GPATCH1: variants seen among roughly 807,000 people sequenced by gnomAD.
GPATCH1 encodes the protein G-patch domain containing 1, also known as G patch domain-containing protein 1.
In GPATCH1, 73 loss-of-function variants were observed where a neutral mutation model predicts 114.9. That is an observed-to-expected ratio of 0.64 (90% CI 0.53 to 0.77). The LOEUF (loss-of-function observed/expected upper bound fraction) is 0.77, where lower values mean the gene tolerates loss of function less well. GPATCH1 is among the 30% of genes least tolerant of loss of function. The pLI is 0.00. For missense variants in GPATCH1, 1,058 were observed against 1,144.3 expected (o/e 0.92, Z 1.09); for synonymous variants, 391 against 428.4 (o/e 0.91, Z 1.08).
intron 17 of GPATCH1, among the ~76,000 whole-genome samples, chr19:33,120,290 T>A (rs1181046593): frequency 9.8e-5 from 6 of 60,958 alleles, no homozygotes; most frequent in Admixed American, 1.4e-4. Flanking sequence ...ATAAAAATTA[T>A]ATATAAAATT....
At chr19:33,096,167 C>A (rs1245290421) in intron 6 of GPATCH1, 40 bp from the exon 7 acceptor site, 1 of 1,600,786 alleles carries the variant, frequency 6.2e-7, no homozygotes, top group South Asian at 1.1e-5. Flanking sequence ...ACTTTGCATC[C>A]TTCAGTGACT....
At chr19:33,102,859 G>A (rs1254003206) in intron 9 of GPATCH1, among the ~76,000 whole-genome samples, 1 of 152,208 alleles carries the variant, frequency 6.6e-6, no homozygotes, top group East Asian at 1.9e-4. Flanking sequence ...TCCTCCCCAT[G>A]CTCTGAAGCT....
intron 8 of GPATCH1, among the ~76,000 whole-genome samples, chr19:33,098,933 T>C (rs1353076081): frequency 6.6e-6 from 1 of 151,748 alleles, no homozygotes; most frequent in African/African-American, 2.4e-5. Flanking sequence ...TTTCTTTTTT[T>C]TTCCCCTGAG....
chr19:33,081,741 G>T (rs1170875634), intron 1 of GPATCH1, among the ~76,000 whole-genome samples: 1 of 152,162 alleles, frequency 6.6e-6, no homozygotes, highest in African/African-American at 2.4e-5. Flanking sequence ...GACAGCGGGG[G>T]AGACAGGTAG....
At position 33,114,380 on chromosome 19, in the gene GPATCH1, C is replaced by T; in HGVS notation, c.2157C>T (p.Asn719=). 6.2e-7 allele frequency: 1 copy of T among 1,607,998 alleles called. No homozygotes were observed. The highest frequency in any genetic ancestry group is 8.5e-7 in the Non-Finnish European group (1 of 1,178,442). Residue 719 remains asparagine, a synonymous_variant, in exon 15 of 20, where the codon AAC becomes AAT. Coordinates refer to ENST00000170564, the MANE Select transcript of GPATCH1 (RefSeq NM_018025.3). The stretch of plus-strand genomic sequence containing the variant: ...AACAACAGTCCAGCCCCTTAGTAAA[C>T]AAAGAGGAAGAGCATGCACCAGAAT... ...PPKQQSSPLV[N]KEEEHAPELS... is the part of the protein sequence containing the mutation.
chr19:33,117,936 G>A lies in GPATCH1; in HGVS notation c.2308G>A (p.Glu770Lys), dbSNP rs149928945. The A allele has an allele frequency of 2.3e-5, 37 of 1,613,732 alleles. No homozygotes were observed. The highest frequency in any genetic ancestry group is 5.3e-5 in the African/African-American group (4 of 74,818). The change falls in exon 16 of 20, where the codon GAG becomes AAG. Residue 770 changes from glutamate (E) to lysine (K), a missense_variant. Glu to Lys is a moderately conservative substitution (Grantham distance 56, BLOSUM62 1). Coordinates refer to ENST00000170564, the MANE Select transcript of GPATCH1 (RefSeq NM_018025.3). ...CTCAGATGAAAAGTCCTCATCCTCC[G>A]AGGATGAGCAAGGTGACAGTGAAGA... Reference protein sequence around the residue: ...SSSDEKSSSSEDEQGDSEDDQ... With the variant: ...SSSDEKSSSSKDEQGDSEDDQ...
chr19:33,101,585 CT>C lies in GPATCH1; in HGVS notation c.1080+18del, dbSNP rs755770967. ...TTATCTTCTAAGAAAGTAAGAAAAA[CT>C]TTTTTTCTTTCTTTTTTTACTGGTT... On this transcript the variant is annotated intron_variant, in intron 9 of 19. Transcript: ENST00000170564. 12 of 1,388,618 alleles carry C rather than the reference CT, an allele frequency of 8.6e-6. No individual in the cohort carries two copies. The highest frequency in any genetic ancestry group is 1.4e-5 in the African/African-American group (1 of 70,040). 86.0% of individuals were successfully genotyped at this position (1,388,618 alleles called of 1,614,324 possible). A position where few individuals can be genotyped will look rare whatever the true frequency, so the allele number is the denominator to read the frequency against.
chr19:33,109,758 A>G lies in GPATCH1; in HGVS notation c.1327A>G (p.Lys443Glu). 1 of 1,595,664 alleles carries G rather than the reference A, an allele frequency of 6.3e-7. No individual in the cohort carries two copies. The highest frequency in any genetic ancestry group is 8.5e-7 in the Non-Finnish European group (1 of 1,171,174). ...GTTAGAATTTCTGTCCCAAAAAGAC[A>G]AAGAGAGAATCAAAGAAATGAAGCA... is the stretch of plus-strand genomic sequence containing the variant. ...SVLEFLSQKD[K>E]ERIKEMKQAT... The change falls in exon 11 of 20, where the codon AAA becomes GAA. Residue 443 changes from lysine (K) to glutamate (E), a missense_variant. Transcript: ENST00000170564.
intron 1 of GPATCH1, among the ~76,000 whole-genome samples, chr19:33,082,442 A>G (rs1039901609): frequency 6.6e-6 from 1 of 152,068 alleles, no homozygotes; most frequent in African/African-American, 2.4e-5. Flanking sequence ...TGCCAGGTTG[A>G]TTGTACTTCT....
Position 33,096,270 on chromosome 19 carries a change from G to T in GPATCH1, c.676G>T (p.Asp226Tyr), listed in dbSNP as rs1972657501. Residue 226 changes from aspartate to tyrosine, a missense_variant, in exon 7 of 20, where the codon GAT (aspartate) becomes TAT (tyrosine). By Grantham distance (160) the Asp-to-Tyr change is radical. Coordinates refer to ENST00000170564, the MANE Select transcript of GPATCH1 (RefSeq NM_018025.3). ...TGCACCCAAAGATGTCACACCTGTG[G>T]ATTTCACACCTAAAGATAATGTGCA... Reference protein sequence around the residue: ...TFAPKDVTPVDFTPKDNVHGL... With the variant: ...TFAPKDVTPVYFTPKDNVHGL... 2 of 1,613,922 alleles carry T rather than the reference G, an allele frequency of 1.2e-6. No individual in the cohort carries two copies. Among genetic ancestry groups the T allele is most frequent in the African/African-American group, 1.3e-5 (1 of 74,934 alleles).
intron 9 of GPATCH1, among the ~76,000 whole-genome samples, chr19:33,102,695 G>A (rs946587907): frequency 4.6e-5 from 7 of 151,876 alleles, no homozygotes; most frequent in Non-Finnish European, 1.0e-4. Context: ...GCGCCCGGCC[G>A]CTAATATTTC....
chr19:33,086,055 G>T (rs971986974), intron 1 of GPATCH1, among the ~76,000 whole-genome samples: 1 of 152,308 alleles, frequency 6.6e-6, no homozygotes, highest in Non-Finnish European at 1.5e-5. Context: ...TGCCTGTGGG[G>T]CATAAGCTGC....
chr19:33,118,110 T>G (rs2145334988), intron 16 of GPATCH1, 69 bp downstream of exon 16: 1 of 984,908 alleles, frequency 1.0e-6, no homozygotes. Flanking sequence ...TGCTTCTCTG[T>G]TTACTCTATA....
intron 1 of GPATCH1, among the ~76,000 whole-genome samples, chr19:33,081,808 T>C (rs1972480210): frequency 6.6e-6 from 1 of 151,924 alleles, no homozygotes; most frequent in African/African-American, 2.4e-5. Flanking sequence ...GGTAAAGAGT[T>C]TGGATCTTGT....
At chr19:33,129,538 G>C (rs1164035458) in intron 19 of GPATCH1, among the ~76,000 whole-genome samples, 1 of 152,150 alleles carries the variant, frequency 6.6e-6, no homozygotes, top group Non-Finnish European at 1.5e-5. Context: ...AAAATTGCTT[G>C]TATTCTCAAG....
chr19:33,091,413 CAAAAA>C (rs1184888892), intron 3 of GPATCH1, among the ~76,000 whole-genome samples: 6 of 44,942 alleles, frequency 1.3e-4, no homozygotes, highest in Non-Finnish European at 1.8e-4. Flanking sequence ...GACTCCGTCT[CAAAAA>C]AAAAAAAAAA....
At chr19:33,128,840 T>C (rs1212372161) in intron 19 of GPATCH1, among the ~76,000 whole-genome samples, 1 of 152,216 alleles carries the variant, frequency 6.6e-6, no homozygotes, top group Non-Finnish European at 1.5e-5. Flanking sequence ...GTTTATCTCT[T>C]CTGTTGTGTG....
rs769072207 is a variant in GPATCH1 at position 33,096,323 on chromosome 19, C to T, written c.729C>T (p.Pro243=). ...GTCTAGCTTACAAGGGCCTGGATCC[C>T]CACCAGGCACTGTTTGGAACTTCGG... ...VHGLAYKGLD[P]HQALFGTSGE... Residue 243 remains proline, a synonymous_variant, in exon 7 of 20, where the codon CCC becomes CCT. Transcript: ENST00000170564. 8.7e-6 allele frequency: 14 copies of T among 1,614,048 alleles called. No individual in the cohort carries two copies. The highest frequency in any genetic ancestry group is 1.1e-5 in the Non-Finnish European group (13 of 1,179,940).
intron 10 of GPATCH1, 117 bp from the exon 11 acceptor site, chr19:33,109,600 A>T (rs1397821563): frequency 1.6e-6 from 1 of 621,080 alleles, no homozygotes; most frequent in Admixed American, 3.5e-5. Context: ...AACACTAAAC[A>T]TAAAATCCTC....
Sources: allele counts gnomAD v4.1 joint callset (sites outside exome capture counted in the v4.1 genomes callset), GRCh38; gene constraint gnomAD v4.1.1; transcripts MANE v1.5; gene names NCBI Gene and HGNC (gene_info 2026-07-23, HGNC 2026-07-21).